Variants in CNOT2 observed in about 807,000 individuals in gnomAD.
CNOT2 encodes the protein CC chemokine receptor 4-negative regulator of transcription 2.
CNOT2 carries 7 observed loss-of-function variants against 72.1 expected under a neutral mutation model. The observed-to-expected ratio is 0.10, with a 90% CI of 0.06 to 0.18. The LOEUF is 0.18. Ranked by LOEUF, CNOT2 falls within the 10% of genes least tolerant of loss-of-function variation. The pLI, the probability that CNOT2 is intolerant of heterozygous loss-of-function variation, is 1.00. For synonymous variants in CNOT2, 196 were observed against 225.6 expected (o/e 0.87, Z 1.17); for missense variants, 345 against 660.3 (o/e 0.52, Z 5.23).
At chr12:70,311,218 A>G (rs1876401942) in intron 3 of CNOT2, among the ~76,000 whole-genome samples, 1 of 151,990 alleles carries the variant, frequency 6.6e-6, no homozygotes. Context: ...TAAATATCCC[A>G]TGATTCTCAA....
chr12:70,324,819 A>G (rs10506587), intron 4 of CNOT2, among the ~76,000 whole-genome samples: 10,334 of 151,872 alleles, frequency 0.068, 513 homozygotes, highest in Admixed American at 0.15. Flanking sequence ...TCATTTTCAT[A>G]TATCTCGTCA....
chr12:70,281,027 G>A (rs1479302511), intron 2 of CNOT2, among the ~76,000 whole-genome samples: 1 of 151,374 alleles, frequency 6.6e-6, no homozygotes, highest in Non-Finnish European at 1.5e-5. Flanking sequence ...CTATGAGCAT[G>A]CACATGCACA....
At chr12:70,307,709 G>T (rs1023338422) in intron 2 of CNOT2, 1 of 152,114 alleles carries the variant, frequency 6.6e-6, no homozygotes, top group Non-Finnish European at 1.5e-5. Context: ...GAGAAGATGG[G>T]TATAGTTTAA....
chr12:70,268,610 C>T (rs2135767462), intron 1 of CNOT2, among the ~76,000 whole-genome samples: 1 of 150,272 alleles, frequency 6.7e-6, no homozygotes, highest in East Asian at 2.0e-4. Context: ...CCATCACGCT[C>T]AGCTTATTTA....
chr12:70,270,905 G>A (rs907885656), intron 1 of CNOT2, among the ~76,000 whole-genome samples: 1 of 151,866 alleles, frequency 6.6e-6, no homozygotes, highest in African/African-American at 2.4e-5. Context: ...CACGGTGAAT[G>A]GTTCGGAAGG....
At chr12:70,265,323 C>CTCTTCTCTTCTCTTCTCTTCTCTTCTCTT (rs762070879) in intron 1 of CNOT2, among the ~76,000 whole-genome samples, 18 of 145,192 alleles carry the variant, frequency 1.2e-4, no homozygotes, top group Admixed American at 2.8e-4. Flanking sequence ...CTCTTCTCTT[C>CTCTTCTCTTCTCTTCTCTTCTCTTCTCTT]TCTTTCTTTC....
At chr12:70,267,472 G>A (rs1190273262) in intron 1 of CNOT2, among the ~76,000 whole-genome samples, 1 of 152,186 alleles carries the variant, frequency 6.6e-6, no homozygotes, top group Admixed American at 6.5e-5. Flanking sequence ...CATAAATCCA[G>A]TATGACTTCC....
At chr12:70,353,423 T>A (rs1883117121) in intron 15 of CNOT2, among the ~76,000 whole-genome samples, 1 of 152,182 alleles carries the variant, frequency 6.6e-6, no homozygotes, top group African/African-American at 2.4e-5. Flanking sequence ...GGAAAATTAT[T>A]TCTAAACTTT....
intron 3 of CNOT2, 174 bp from the exon 4 acceptor site, chr12:70,319,124 G>T: frequency 2.1e-6 from 1 of 466,664 alleles, no homozygotes. Context: ...ATCGAATTGT[G>T]ATATTCTCTT....
chr12:70,299,470 G>A lies in CNOT2; in HGVS notation c.49-11425G>A, dbSNP rs1450493408. On this transcript the variant is annotated intron_variant, in intron 2 of 15. Transcript: ENST00000229195. ...TTCCCACCTATGAGTGAGAACATGC[G>A]GTGTTTGGTTTTTTGTCCTTGCGAT... 1.5e-3 allele frequency among the ~76,000 whole-genome samples: 224 copies of A among 148,574 alleles called. 1 individual carries two copies. Among genetic ancestry groups the A allele is most frequent in the African/African-American group, 5.4e-3 (218 of 40,148 alleles).
At chr12:70,259,227 T>C (rs1396559768) in intron 1 of CNOT2, among the ~76,000 whole-genome samples, 2 of 152,188 alleles carry the variant, frequency 1.3e-5, no homozygotes, top group African/African-American at 2.4e-5. Context: ...TGTTCAAGCA[T>C]ACTTACAGAG....
In CNOT2 at chr12:70,269,552, C is replaced by T. The variant is rs190533062; in HGVS notation, c.-95-8580C>T. On this transcript the variant is annotated intron_variant, in intron 1 of 15. Transcript: ENST00000229195. ...AAACTCAGTAACATGCATATCAACACGAAGTCTACTGGTATATAGTATTAA... is the reference window on the plus strand; with the variant it reads ...AAACTCAGTAACATGCATATCAACATGAAGTCTACTGGTATATAGTATTAA... Among the ~76,000 whole-genome samples the T allele has an allele frequency of 3.9e-5, 6 of 152,116 alleles. No individual in the cohort carries two copies. The East Asian group carries it at 5.8e-4, about 15-fold the overall frequency.
intron 14 of CNOT2, 125 bp downstream of exon 14, chr12:70,344,353 A>G (rs1271500894): frequency 4.8e-6 from 3 of 620,608 alleles, no homozygotes; most frequent in South Asian, 2.1e-5. Context: ...TTATTTTTAC[A>G]TTATTAAAGT....
chr12:70,287,923 T>C (rs1871178056), intron 2 of CNOT2, among the ~76,000 whole-genome samples: 1 of 149,688 alleles, frequency 6.7e-6, no homozygotes, highest in South Asian at 2.2e-4. Context: ...TTGTTTTTGC[T>C]AAGACCCTAA....
chr12:70,319,099 C>A, intron 3 of CNOT2, 199 bp from the exon 4 acceptor site: 1 of 403,868 alleles, frequency 2.5e-6, no homozygotes, highest in Non-Finnish European at 4.4e-6. Context: ...AATTTCATTT[C>A]TACAGTTTGG....
intron 2 of CNOT2, among the ~76,000 whole-genome samples, chr12:70,292,115 C>A (rs559391783): frequency 6.6e-6 from 1 of 152,106 alleles, no homozygotes; most frequent in African/African-American, 2.4e-5. Context: ...GAGAAAACTT[C>A]CAGATGCACC....
In CNOT2 at chr12:70,332,988, A is replaced by G. The variant is rs1438993803; in HGVS notation, c.649+142A>G. 27 of 1,273,050 alleles carry G rather than the reference A, an allele frequency of 2.1e-5. No homozygotes were observed. The Admixed American group carries it at 9.9e-4, about 47-fold the overall frequency. 78.9% of individuals were successfully genotyped at this position (1,273,050 alleles called of 1,614,324 possible). On this transcript the variant is annotated intron_variant, in intron 7 of 15. Coordinates refer to ENST00000229195, the MANE Select transcript of CNOT2 (RefSeq NM_014515.7). ...GATTTTAATTCAGTGAAAAATAGGA[A>G]TAGGATTCAATACAGTGAATAGTTG...
At chr12:70,336,984 T>C (rs1880790506) in intron 8 of CNOT2, 1 of 156,862 alleles carries the variant, frequency 6.4e-6, no homozygotes, top group Non-Finnish European at 1.4e-5. Flanking sequence ...TGTAAGTCGC[T>C]TTCAAGTAGA....
chr12:70,265,414 G>A (rs891837112), intron 1 of CNOT2, among the ~76,000 whole-genome samples: 3 of 151,510 alleles, frequency 2.0e-5, no homozygotes, highest in Non-Finnish European at 2.9e-5. Flanking sequence ...AGGAATAGGT[G>A]CATTTCATCT....
Sources: gnomAD v4.1 joint callset for allele counts (sites outside exome capture counted in the v4.1 genomes callset) on GRCh38, gnomAD v4.1.1 for gene constraint, MANE v1.5 for transcripts, NCBI Gene and HGNC (gene_info 2026-07-23, HGNC 2026-07-21) for gene names.